Variants in GABRG1 observed in about 807,000 individuals in gnomAD.
GABRG1 encodes the protein gamma-aminobutyric acid type A receptor subunit gamma1, also known as gamma-aminobutyric acid receptor subunit gamma-1.
In GABRG1, 49 loss-of-function variants were observed where a neutral mutation model predicts 49.8. That is an observed-to-expected ratio of 0.98 (90% CI 0.78 to 1.25). GABRG1 has a LOEUF of 1.25. Among genes scored for constraint, GABRG1 ranks in the 50% most tolerant of loss-of-function variants. GABRG1 has a pLI of 0.00. For missense variants in GABRG1, 552 were observed against 552.3 expected (o/e 1.00, Z 0.01); for synonymous variants, 232 against 185.1 (o/e 1.25, Z -2.06).
chr4:46,056,135 A>AAAAT (rs1718421560), intron 7 of GABRG1, among the ~76,000 whole-genome samples: 5 of 115,334 alleles, frequency 4.3e-5, no homozygotes, highest in African/African-American at 1.4e-4. Flanking sequence ...AAAAAAAAAA[A>AAAAT]AATAAATAAA....
chr4:46,086,151 T>A (rs1719744362), intron 2 of GABRG1, among the ~76,000 whole-genome samples: 1 of 151,654 alleles, frequency 6.6e-6, no homozygotes. Flanking sequence ...TTATTTTAAG[T>A]ACTTTGCTTT....
intron 2 of GABRG1, among the ~76,000 whole-genome samples, chr4:46,096,462 A>G (rs1301383267): frequency 6.6e-6 from 1 of 151,646 alleles, no homozygotes; most frequent in African/African-American, 2.4e-5. Context: ...GCCCATATAG[A>G]TACATAGCAA....
At chr4:46,114,912 G>A (rs537427424) in intron 1 of GABRG1, among the ~76,000 whole-genome samples, 83 of 150,660 alleles carry the variant, frequency 5.5e-4, no homozygotes, top group African/African-American at 1.9e-3. Context: ...ACTATAACAG[G>A]GAAGGTAAAT....
At chr4:46,093,262 C>T (rs1234271713) in intron 2 of GABRG1, among the ~76,000 whole-genome samples, 1 of 151,752 alleles carries the variant, frequency 6.6e-6, no homozygotes, top group African/African-American at 2.4e-5. Flanking sequence ...AATTGAGTAC[C>T]ATTCACCCAC....
chr4:46,075,371 A>T (rs1433301464), intron 3 of GABRG1, among the ~76,000 whole-genome samples: 2 of 151,994 alleles, frequency 1.3e-5, no homozygotes, highest in Non-Finnish European at 2.9e-5. Flanking sequence ...ATTTTATTTT[A>T]AAAAATTAGA....
chr4:46,070,605 G>C (rs1261294005), intron 3 of GABRG1, among the ~76,000 whole-genome samples: 2 of 152,018 alleles, frequency 1.3e-5, no homozygotes, highest in Non-Finnish European at 2.9e-5. Flanking sequence ...GGGATAAATA[G>C]GTGGGCATAT....
chr4:46,078,171 T>C (rs1220290623), intron 3 of GABRG1, among the ~76,000 whole-genome samples: 2 of 151,966 alleles, frequency 1.3e-5, no homozygotes, highest in African/African-American at 2.4e-5. Context: ...AAACTTATAA[T>C]AGATTTTAAA....
intron 1 of GABRG1, among the ~76,000 whole-genome samples, chr4:46,113,339 G>T (rs1374854349): frequency 6.6e-6 from 1 of 151,052 alleles, no homozygotes; most frequent in Non-Finnish European, 1.5e-5. Flanking sequence ...AGAAGGAAAG[G>T]TGCTGAGAGA....
rs1491108091 is a variant in GABRG1 at position 46,088,765 on chromosome 4, A to ACACC, written c.254-4713_254-4712insGGTG. Among the ~76,000 whole-genome samples, 1,028 of 143,886 alleles carry ACACC rather than the reference A, an allele frequency of 7.1e-3. 9 individuals carry two copies. The highest frequency in any genetic ancestry group is 0.022 in the African/African-American group (822 of 37,930). The allele number at this position is 143,886 out of a possible 152,430, so 94.4% of individuals were successfully genotyped here. On this transcript the variant is annotated intron_variant, in intron 2 of 8. Coordinates refer to ENST00000295452, the MANE Select transcript of GABRG1 (RefSeq NM_173536.4). Reference sequence around the variant, plus strand: ...CACACACACACACACACACACACACACCCCATATATCTATATTTAAATGGC... The same window carrying ACACC: ...CACACACACACACACACACACACACACACCCCCCATATATCTATATTTAAATGGC...
Position 46,051,448 on chromosome 4 carries a change from G to A in GABRG1, c.1107C>T (p.Asp369=), listed in dbSNP as rs781551307. The A allele has an allele frequency of 2.5e-6, 4 of 1,608,124 alleles. No homozygotes were observed. The African/African-American group carries it at 5.4e-5, about 22-fold the overall frequency. Residue 369 remains aspartate (D), a synonymous_variant, in exon 8 of 9, where the codon GAC becomes GAT. Transcript: ENST00000295452. ...CCGAGGCTTTATTTTTTAGCTTTCT[G>A]TCTTTAGTAGCAGTCTTTCCTTTTT... is the stretch of plus-strand genomic sequence containing the variant. ...SNQKGKTATK[D]RKLKNKASMT...
intron 2 of GABRG1, among the ~76,000 whole-genome samples, chr4:46,090,262 T>G (rs1274501405): frequency 6.6e-6 from 1 of 152,062 alleles, no homozygotes; most frequent in African/African-American, 2.4e-5. Context: ...TTTAACCTAA[T>G]GTATTAAACA....
intron 1 of GABRG1, among the ~76,000 whole-genome samples, chr4:46,117,592 GTCTCTC>G (rs369617928): frequency 8.0e-5 from 7 of 87,260 alleles, no homozygotes; most frequent in South Asian, 3.3e-4. Flanking sequence ...GTCTCTCTTT[GTCTCTC>G]TCTCTCTCTC....
intron 2 of GABRG1, among the ~76,000 whole-genome samples, chr4:46,093,218 T>C (rs1720054683): frequency 6.6e-6 from 1 of 152,086 alleles, no homozygotes; most frequent in South Asian, 2.1e-4. Context: ...ACAGAAGGTG[T>C]AACCATCGCA....
chr4:46,113,798 A>T (rs888974258), intron 1 of GABRG1, among the ~76,000 whole-genome samples: 4 of 151,102 alleles, frequency 2.6e-5, no homozygotes, highest in African/African-American at 9.7e-5. Flanking sequence ...TTCAATGAAT[A>T]TTCTTTAGTA....
chr4:46,072,750 A>T (rs975672901), intron 3 of GABRG1, among the ~76,000 whole-genome samples: 4 of 152,130 alleles, frequency 2.6e-5, no homozygotes, highest in Non-Finnish European at 5.9e-5. Flanking sequence ...GTGATGTTTC[A>T]AGAAAATAAG....
intron 1 of GABRG1, among the ~76,000 whole-genome samples, chr4:46,109,795 G>C (rs145991502): frequency 4.6e-5 from 7 of 151,130 alleles, no homozygotes. Context: ...GGGGCAAGTT[G>C]TTTAATTTCC....
chr4:46,085,221 T>A (rs1719713705), intron 2 of GABRG1, among the ~76,000 whole-genome samples: 1 of 151,530 alleles, frequency 6.6e-6, no homozygotes, highest in Non-Finnish European at 1.5e-5. Context: ...GGATAAATGT[T>A]TTCTACATTT....
chr4:46,057,377 T>A lies in GABRG1; in HGVS notation c.916+840A>T, dbSNP rs1228460546. Reference sequence around the variant, plus strand: ...TCTTTGTGGTTAAAAATAGAAACTGTCTCACCTTTCTTTACATATTTTTAA... The same window carrying A: ...TCTTTGTGGTTAAAAATAGAAACTGACTCACCTTTCTTTACATATTTTTAA... On this transcript the variant is annotated intron_variant, in intron 7 of 8. Transcript: ENST00000295452. Among the ~76,000 whole-genome samples the A allele has an allele frequency of 2.6e-5, 4 of 152,086 alleles. No homozygotes were observed. The South Asian group carries it at 8.3e-4, about 31-fold the overall frequency.
chr4:46,042,301 A>G lies in GABRG1; in HGVS notation c.1132-1047T>C, dbSNP rs115198243. 1.4e-3 allele frequency among the ~76,000 whole-genome samples: 210 copies of G among 152,120 alleles called. 1 individual carries two copies. Among genetic ancestry groups the G allele is most frequent in the African/African-American group, 4.9e-3 (205 of 41,564 alleles). The stretch of plus-strand genomic sequence containing the variant: ...AAACAATAATAATAGCAACAACAAC[A>G]AAGTCCTAGACCACATAAAAATGTT... On this transcript the variant is annotated intron_variant, in intron 8 of 8. Transcript: ENST00000295452.
Sources: gnomAD v4.1 joint callset for allele counts (sites outside exome capture counted in the v4.1 genomes callset) on GRCh38, gnomAD v4.1.1 for gene constraint, MANE v1.5 for transcripts, NCBI Gene and HGNC (gene_info 2026-07-23, HGNC 2026-07-21) for gene names.